Variants in MICAL3 observed in about 807,000 individuals in gnomAD.
The protein encoded by MICAL3 is [F-actin]-monooxygenase MICAL3.
Under a neutral mutation model 207.4 loss-of-function variants are expected in MICAL3, and 62 were observed. That is an observed-to-expected ratio of 0.30 (90% CI 0.24 to 0.37). The LOEUF (loss-of-function observed/expected upper bound fraction) is 0.37, where lower values mean the gene tolerates loss of function less well. Among genes scored for constraint, MICAL3 ranks in the 10% least tolerant of loss-of-function variants. MICAL3 has a pLI of 1.00. For missense variants in MICAL3, 2,368 were observed against 2,635.6 expected, an observed-to-expected ratio of 0.90 and a Z score of 2.22; for synonymous variants, 1,077 against 1,069.3, an observed-to-expected ratio of 1.01 and a Z score of -0.14.
chr22:17,863,963 A>G (rs546135184), intron 19 of MICAL3: 1 of 985,464 alleles, frequency 1.0e-6, no homozygotes, highest in Non-Finnish European at 1.2e-6. Flanking sequence ...GACAGACAGA[A>G]ACACAGCCCT....
At position 17,817,834 on chromosome 22, in the gene MICAL3, C is replaced by T. The variant is rs1921166396; in HGVS notation, c.4827G>A (p.Leu1609=). Residue 1609 remains leucine (L), a synonymous_variant, in exon 26 of 32, where the codon CTG becomes CTA. Coordinates refer to ENST00000441493, the MANE Select transcript of MICAL3 (RefSeq NM_015241.3). ...AREKSVKSQA[L]RDAMARQLSR... The stretch of plus-strand genomic sequence containing the variant: ...TCAGCTGCCTGGCCATGGCGTCCCG[C>T]AGCGCCTGGCTCTTCACGGACTTCT... 6.2e-7 allele frequency: 1 copy of T among 1,611,544 alleles called. No individual in the cohort carries two copies. The highest frequency in any genetic ancestry group is 8.5e-7 in the Non-Finnish European group (1 of 1,179,418).
In MICAL3 at chr22:17,925,236, G is replaced by A. The variant is rs115710544; in HGVS notation, c.-74-18350C>T. 3.7e-3 allele frequency among the ~76,000 whole-genome samples: 566 copies of A among 152,238 alleles called. 3 individuals carry two copies. Among genetic ancestry groups the A allele is most frequent in the African/African-American group, 0.013 (540 of 41,522 alleles). ...TGACATCAGGACCTCTGAAGGGCTC[G>A]GCCAGGAAACCAAAGGACTCAGAGC... On this transcript the variant is annotated intron_variant, in intron 1 of 31. Coordinates refer to ENST00000441493, the MANE Select transcript of MICAL3 (RefSeq NM_015241.3).
intron 1 of MICAL3, among the ~76,000 whole-genome samples, chr22:18,009,240 G>C (rs1051831396): frequency 7.0e-6 from 1 of 143,678 alleles, no homozygotes; most frequent in African/African-American, 2.7e-5. Context: ...ATTTGGCCTG[G>C]ATTCTTGAAA....
intron 19 of MICAL3, chr22:17,864,077 A>G: frequency 1.0e-6 from 1 of 987,078 alleles, no homozygotes; most frequent in Non-Finnish European, 1.2e-6. Context: ...GACGCATCTC[A>G]CAGGCAAGTT....
chr22:17,928,283 C>CA (rs1409432090), intron 1 of MICAL3, among the ~76,000 whole-genome samples: 1 of 151,990 alleles, frequency 6.6e-6, no homozygotes, highest in Non-Finnish European at 1.5e-5. Flanking sequence ...ACTAAAAATA[C>CA]AAAAAATTAG....
intron 28 of MICAL3, 106 bp downstream of exon 28, chr22:17,810,597 C>T: frequency 1.1e-6 from 1 of 903,706 alleles, no homozygotes. Flanking sequence ...TCTACCTCTG[C>T]TCTGCTCTGC....
intron 16 of MICAL3, chr22:17,881,280 C>G: frequency 6.2e-7 from 1 of 1,609,638 alleles, no homozygotes; most frequent in Non-Finnish European, 8.5e-7. Context: ...TGGGGCAGGT[C>G]CGAGAACACT....
intron 16 of MICAL3, 76 bp from the exon 17 acceptor site, chr22:17,872,099 T>C (rs984133332): frequency 1.5e-6 from 2 of 1,334,590 alleles, no homozygotes; most frequent in Non-Finnish European, 2.0e-6. Context: ...GGCACAGCCT[T>C]GCGAGAGCAA....
In MICAL3 at chr22:17,887,175, C is replaced by T; in HGVS notation, c.2062G>A (p.Glu688Lys). The change falls in exon 15 of 32, where the codon GAG becomes AAG. Residue 688 changes from glutamate to lysine, a missense_variant. Glu to Lys is a moderately conservative substitution (Grantham distance 56). Coordinates refer to ENST00000441493, the MANE Select transcript of MICAL3 (RefSeq NM_015241.3). Reference protein sequence around the residue: ...AGKRRKTSQSEEEEAPRGHRG... With the variant: ...AGKRRKTSQSKEEEAPRGHRG... ...ATTCCCCAAGTGAATCTCACCTCCT[C>T]TGATTGACTGGTCTTTCTCCTCTTC... is the stretch of plus-strand genomic sequence containing the variant. 6.2e-7 allele frequency: 1 copy of T among 1,613,474 alleles called. No homozygotes were observed.
intron 1 of MICAL3, among the ~76,000 whole-genome samples, chr22:17,979,692 G>A (rs1281189517): frequency 1.3e-5 from 2 of 151,702 alleles, no homozygotes; most frequent in Non-Finnish European, 2.9e-5. Flanking sequence ...CCTTCTCCCA[G>A]CCCAGCACAC....
At chr22:17,928,713 T>C (rs550803600) in intron 1 of MICAL3, among the ~76,000 whole-genome samples, 1 of 152,346 alleles carries the variant, frequency 6.6e-6, no homozygotes, top group East Asian at 1.9e-4. Context: ...CGTGGCTTTA[T>C]ATATTGTGTT....
rs946242220 is a variant in MICAL3, at chr22:17,900,624, C to T, written c.847+218G>A. 1.3e-5 allele frequency among the ~76,000 whole-genome samples: 2 copies of T among 152,070 alleles called. No homozygotes were observed. Among genetic ancestry groups the T allele is most frequent in the Admixed American group, 6.6e-5 (1 of 15,258 alleles). On this transcript the variant is annotated intron_variant, in intron 6 of 31. Transcript: ENST00000441493. The surrounding 1 kb of genome is among the most constrained non-coding windows in gnomAD (Gnocchi z 4.0). ...CTCAAACAAAAAACAAAACCCAGAG[C>T]CGCCCAGTCACTGTGAGGAGGTTAA...
chr22:17,968,992 T>A (rs1355246658), intron 1 of MICAL3, among the ~76,000 whole-genome samples: 2 of 152,170 alleles, frequency 1.3e-5, no homozygotes, highest in Non-Finnish European at 2.9e-5. Flanking sequence ...AAGTCAAAAA[T>A]ATGTAAAATT....
intron 1 of MICAL3, among the ~76,000 whole-genome samples, chr22:17,926,772 T>G (rs1204784257): frequency 6.6e-6 from 1 of 152,222 alleles, no homozygotes; most frequent in African/African-American, 2.4e-5. Flanking sequence ...GTGCAGGGTA[T>G]ATTCGCATTT....
Position 17,841,740 on chromosome 22 carries a change from G to T in MICAL3, c.2801+82C>A. On this transcript the variant is annotated intron_variant, in intron 20 of 31. Coordinates refer to ENST00000441493, the MANE Select transcript of MICAL3 (RefSeq NM_015241.3). The surrounding 1 kb of genome is among the most constrained non-coding windows in gnomAD (Gnocchi z 4.2). ...GAAAGACAGGAGGCCTCCCTTCACT[G>T]AGAAGAAACCGAGACACACAGAGGT... is the stretch of plus-strand genomic sequence containing the variant. 1 of 1,427,830 alleles carries T rather than the reference G, an allele frequency of 7.0e-7. No individual in the cohort carries two copies. 88.4% of individuals were successfully genotyped at this position (1,427,830 alleles called of 1,614,324 possible).
intron 1 of MICAL3, among the ~76,000 whole-genome samples, chr22:17,966,935 G>A (rs866521200): frequency 6.6e-6 from 1 of 152,222 alleles, no homozygotes; most frequent in Non-Finnish European, 1.5e-5. Flanking sequence ...TCAAGAAAGT[G>A]AAATAGCAGA....
At chr22:17,959,010 GTTTTTTTT>G (rs34107784) in intron 1 of MICAL3, among the ~76,000 whole-genome samples, 9 of 85,868 alleles carry the variant, frequency 1.0e-4, no homozygotes, top group Admixed American at 3.3e-4. Flanking sequence ...CGGGCCTGGG[GTTTTTTTT>G]TTTTTTTTTT....
In MICAL3 at chr22:17,887,417, G is replaced by A. The variant is rs747228900; in HGVS notation, c.1910C>T (p.Ala637Val). The A allele has an allele frequency of 1.9e-6, 3 of 1,613,214 alleles. No homozygotes were observed. Among genetic ancestry groups the A allele is most frequent in the Non-Finnish European group, 2.5e-6 (3 of 1,179,516 alleles). The change falls in exon 14 of 32, where the codon GCC becomes GTC. Residue 637 changes from alanine (A) to valine (V), a missense_variant. Ala to Val is a moderately conservative substitution (Grantham distance 64, BLOSUM62 0). Coordinates refer to ENST00000441493, the MANE Select transcript of MICAL3 (RefSeq NM_015241.3). Reference sequence around the variant, plus strand: ...GGCTATCAGGACTGCTTTCTCCTCGGCATTTAGGTCCAAGGTGTCTGGGAA... The same window carrying A: ...GGCTATCAGGACTGCTTTCTCCTCGACATTTAGGTCCAAGGTGTCTGGGAA... ...LPSSDTLDLN[A>V]EEKAVLIAST...
Position 17,841,427 on chromosome 22 carries a change from G to C in MICAL3, c.2801+395C>G. On this transcript the variant is annotated intron_variant, in intron 20 of 31. Coordinates refer to ENST00000441493, the MANE Select transcript of MICAL3 (RefSeq NM_015241.3). This position sits in a 1 kb window ranked among gnomAD's most constrained non-coding sequence, Gnocchi z 4.2. Reference sequence around the variant, plus strand: ...CTACAGGAGAAAAAAAGATGCCTGGGGGACGGACTAGGCCTCCCTCAAGAC... The same window carrying C: ...CTACAGGAGAAAAAAAGATGCCTGGCGGACGGACTAGGCCTCCCTCAAGAC... 1 of 363,936 alleles carries C rather than the reference G, an allele frequency of 2.7e-6. No individual in the cohort carries two copies. The highest frequency in any genetic ancestry group is 5.0e-6 in the Non-Finnish European group (1 of 200,276). The allele number at this position is 363,936 out of a possible 1,614,324, so 22.5% of individuals were successfully genotyped here.
Sources: gnomAD v4.1 joint callset for allele counts (sites outside exome capture counted in the v4.1 genomes callset) on GRCh38, gnomAD v4.1.1 for gene constraint, Gnocchi (gnomAD v3.1) non-coding constraint, MANE v1.5 for transcripts, NCBI Gene and HGNC (gene_info 2026-07-23, HGNC 2026-07-21) for gene names.